Variants in DNAJC16 observed in about 807,000 individuals in gnomAD.
DNAJC16 encodes the protein DnaJ heat shock protein family (Hsp40) member C16, also known as dnaJ homolog subfamily C member 16.
A neutral mutation model predicts 92.7 loss-of-function variants in DNAJC16; 76 were observed. That is an observed-to-expected ratio of 0.82 (90% CI 0.68 to 0.99). DNAJC16 has a LOEUF of 0.99. DNAJC16 is among the 50% of genes least tolerant of loss of function. DNAJC16 has a pLI of 0.00. For synonymous variants in DNAJC16, 328 were observed against 358.7 expected (o/e 0.91, Z 0.97); for missense variants, 869 against 942.4 (o/e 0.92, Z 1.02).
intron 6 of DNAJC16, among the ~76,000 whole-genome samples, chr1:15,547,642 A>G (rs1638343480): frequency 2.0e-5 from 3 of 151,564 alleles, no homozygotes; most frequent in South Asian, 2.1e-4. Flanking sequence ...GGGTTTCACC[A>G]TGTTGGCCAG....
chr1:15,567,760 A>G lies in DNAJC16; in HGVS notation c.1950-18A>G. On this transcript the variant is annotated intron_variant, in intron 14 of 14. Transcript: ENST00000375847. ...TGTCAGGAAATGCCCTGAGTCCTCA[A>G]TTCTCTTCTTCCTACAGGAGCAGCT... 1 of 1,603,534 alleles carries G rather than the reference A, an allele frequency of 6.2e-7. No individual in the cohort carries two copies. Among genetic ancestry groups the G allele is most frequent in the Non-Finnish European group, 8.5e-7 (1 of 1,174,872 alleles).
In DNAJC16 at chr1:15,571,635, GTT is replaced by G. The variant is rs1313977863; in HGVS notation, c.*3463_*3464del. On this transcript the variant is annotated 3_prime_UTR_variant, in exon 15 of 15. Transcript: ENST00000375847. ...TTTTTATGTTTTGGGTGTTGTTTTT[GTT>G]TTTTGACTTTTTTTGTATTGTGAAC... 1 of 152,506 alleles carries G rather than the reference GTT, an allele frequency of 6.6e-6. No homozygotes were observed. Among genetic ancestry groups the G allele is most frequent in the East Asian group, 1.9e-4 (1 of 5,192 alleles). 9.4% of individuals were successfully genotyped at this position (152,506 alleles called of 1,614,324 possible).
intron 3 of DNAJC16, among the ~76,000 whole-genome samples, chr1:15,535,427 C>T (rs956128630): frequency 2.0e-5 from 3 of 152,196 alleles, no homozygotes; most frequent in African/African-American, 7.2e-5. Context: ...AGAAGAGTTT[C>T]TCATTCTTTT....
At chr1:15,563,660 T>A (rs1638740107) in intron 9 of DNAJC16, among the ~76,000 whole-genome samples, 1 of 103,692 alleles carries the variant, frequency 9.6e-6, no homozygotes, top group African/African-American at 4.0e-5. Flanking sequence ...ACCCCATCTC[T>A]ACTAAAAAAA....
chr1:15,555,991 CAA>C (rs750409441), intron 7 of DNAJC16, among the ~76,000 whole-genome samples: 13 of 92,736 alleles, frequency 1.4e-4, no homozygotes, highest in Non-Finnish European at 1.6e-4. Context: ...AACTCCATCT[CAA>C]AAAAAAAAAA....
chr1:15,529,909 A>G (rs1205927718), intron 2 of DNAJC16, among the ~76,000 whole-genome samples: 1 of 152,184 alleles, frequency 6.6e-6, no homozygotes, highest in African/African-American at 2.4e-5. Flanking sequence ...TAGCTTACTT[A>G]TAATACCTAA....
At position 15,564,126 on chromosome 1, in the gene DNAJC16, T is replaced by G; in HGVS notation, c.1521+15T>G. The G allele has an allele frequency of 6.2e-7, 1 of 1,612,110 alleles. No homozygotes were observed. Among genetic ancestry groups the G allele is most frequent in the Non-Finnish European group, 8.5e-7 (1 of 1,178,412 alleles). ...AACTTGCCCCTGTGAGCATCGGGGC[T>G]GGGAAGGGTGGGACACCAGGAGGGC... On this transcript the variant is annotated intron_variant, in intron 10 of 14. Coordinates refer to ENST00000375847, the MANE Select transcript of DNAJC16 (RefSeq NM_015291.4).
At chr1:15,540,333 A>AG (rs1228033317) in intron 4 of DNAJC16, among the ~76,000 whole-genome samples, 2 of 152,184 alleles carry the variant, frequency 1.3e-5, no homozygotes, top group Admixed American at 1.3e-4. Context: ...CTCAAAAAAA[A>AG]AAGAAAAGAA....
chr1:15,562,197 G>C lies in DNAJC16; in HGVS notation c.1210G>C (p.Ala404Pro). ...TACCAAGTTGAGCAAACCCTTTGAG[G>C]CTTTCCTGTCCTTTGCCCTGGCAAA... ...ETTKLSKPFEAFLSFALANTQ... is the reference protein window; with the variant it reads ...ETTKLSKPFEPFLSFALANTQ... Residue 404 changes from alanine (A) to proline (P), a missense_variant, in exon 9 of 15, where the codon GCT (alanine) becomes CCT (proline). Physicochemically the swap from Ala to Pro is conservative, Grantham distance 27 (BLOSUM62 -1). Coordinates refer to ENST00000375847, the MANE Select transcript of DNAJC16 (RefSeq NM_015291.4). 1.2e-6 allele frequency: 2 copies of C among 1,614,072 alleles called. No homozygotes were observed. The highest frequency in any genetic ancestry group is 3.3e-4 in the Middle Eastern group (2 of 6,062).
Position 15,536,900 on chromosome 1 carries a change from G to A in DNAJC16, c.574+86G>A, listed in dbSNP as rs554700134. 187 of 1,221,970 alleles carry A rather than the reference G, an allele frequency of 1.5e-4. No homozygotes were observed. The South Asian group carries it at 2.6e-3, about 17-fold the overall frequency. 75.7% of individuals were successfully genotyped at this position (1,221,970 alleles called of 1,614,324 possible). On this transcript the variant is annotated intron_variant, in intron 4 of 14. Transcript: ENST00000375847. ...GAGTCTTGCTCTGTTGCCCAGGCTG[G>A]AGTACAGTGGTGTGATCTCGGCTCA...
chr1:15,544,141 T>C (rs940228516), intron 4 of DNAJC16, among the ~76,000 whole-genome samples: 5 of 86,820 alleles, frequency 5.8e-5, no homozygotes, highest in African/African-American at 2.9e-4. Context: ...TTTTGTTTTA[T>C]GTATATGCAT....
In DNAJC16 at chr1:15,532,606, A is replaced by G. The variant is rs146747898; in HGVS notation, c.168-1631A>G. 5.9e-5 allele frequency among the ~76,000 whole-genome samples: 9 copies of G among 152,092 alleles called. No homozygotes were observed. The East Asian group carries it at 1.5e-3, about 26-fold the overall frequency. On this transcript the variant is annotated intron_variant, in intron 2 of 14. Coordinates refer to ENST00000375847, the MANE Select transcript of DNAJC16 (RefSeq NM_015291.4). ...TCCTACCCTTCTTCTACAGAGTTCT[A>G]TATGTTAAATCTTCATTTGTATGAT... is the stretch of plus-strand genomic sequence containing the variant.
chr1:15,555,290 G>C (rs190917897), intron 7 of DNAJC16, among the ~76,000 whole-genome samples: 421 of 151,494 alleles, frequency 2.8e-3, no homozygotes, highest in Non-Finnish European at 4.3e-3. Flanking sequence ...TGGAGGCTGA[G>C]ACAGGAGAAC....
At chr1:15,534,435 G>A (rs1570899791) in intron 3 of DNAJC16, 132 bp downstream of exon 3, 1 of 929,984 alleles carries the variant, frequency 1.1e-6, no homozygotes, top group East Asian at 2.8e-5. Context: ...TTATAATAGA[G>A]AGAACAGGCT....
At chr1:15,528,628 G>C (rs7546668) in intron 1 of DNAJC16, among the ~76,000 whole-genome samples, 46,943 of 151,982 alleles carry the variant, frequency 0.31, 7,658 homozygotes, top group East Asian at 0.59. Context: ...TCATTTTGTA[G>C]TTTTGTACAT....
At chr1:15,558,443 TC>T (rs1263261471) in intron 7 of DNAJC16, among the ~76,000 whole-genome samples, 1 of 152,130 alleles carries the variant, frequency 6.6e-6, no homozygotes, top group East Asian at 1.9e-4. Context: ...TGCTTCGGCC[TC>T]CCAAAGTTCG....
chr1:15,550,524 C>T (rs1292885114), intron 7 of DNAJC16, among the ~76,000 whole-genome samples: 4 of 152,144 alleles, frequency 2.6e-5, no homozygotes, highest in Non-Finnish European at 1.5e-5. Context: ...TTTATTGAAT[C>T]ATTCTTCCGT....
At chr1:15,539,444 C>T (rs1317395068) in intron 4 of DNAJC16, among the ~76,000 whole-genome samples, 1 of 151,806 alleles carries the variant, frequency 6.6e-6, no homozygotes, top group African/African-American at 2.4e-5. Flanking sequence ...GACGGGGTTT[C>T]ACCGTGTTAG....
intron 4 of DNAJC16, 119 bp from the exon 5 acceptor site, chr1:15,544,280 A>G (rs374355651): frequency 7.1e-6 from 7 of 990,964 alleles, no homozygotes; most frequent in Middle Eastern, 3.3e-4. Flanking sequence ...ACAGTCTATT[A>G]GGAAAGACAT....
Sources: gnomAD v4.1 joint callset for allele counts (sites outside exome capture counted in the v4.1 genomes callset) on GRCh38, gnomAD v4.1.1 for gene constraint, MANE v1.5 for transcripts, NCBI Gene and HGNC (gene_info 2026-07-23, HGNC 2026-07-21) for gene names.